Variants in FTO observed in about 807,000 individuals in gnomAD.
FTO encodes alpha-ketoglutarate-dependent dioxygenase FTO.
FTO carries 47 observed loss-of-function variants against 63.9 expected under a neutral mutation model. The ratio of observed to expected loss-of-function variants is 0.74; its 90% CI spans 0.58 to 0.94. The LOEUF is 0.94. FTO is among the 40% of genes least tolerant of loss of function. The pLI, the probability that FTO is intolerant of heterozygous loss-of-function variation, is 0.00. For synonymous variants in FTO, 207 were observed against 224.4 expected, an observed-to-expected ratio of 0.92 and a Z score of 0.69; for missense variants, 562 against 618.1, an observed-to-expected ratio of 0.91 and a Z score of 0.96.
chr16:53,927,704 T>G (rs1381855274), intron 7 of FTO, among the ~76,000 whole-genome samples: 1 of 152,134 alleles, frequency 6.6e-6, no homozygotes, highest in Non-Finnish European at 1.5e-5. Context: ...TGTCGGGCAC[T>G]GGCCCAGGAG....
At chr16:53,837,250 C>T (rs2079324226) in intron 3 of FTO, among the ~76,000 whole-genome samples, 1 of 152,152 alleles carries the variant, frequency 6.6e-6, no homozygotes, top group Admixed American at 6.5e-5. Context: ...ATGAGGTTCT[C>T]CTCTGTAATG....
At position 54,120,499 on chromosome 16, in the gene FTO, A is replaced by G. The variant is rs1447155591; in HGVS notation, c.*8584A>G. The stretch of plus-strand genomic sequence containing the variant: ...TGAGGATAGGAGAGCAGCGTGGTGA[A>G]AGAAGCAATAGTTACCACATTTGCA... On this transcript the variant is annotated 3_prime_UTR_variant, in exon 9 of 9. Coordinates refer to ENST00000471389, the MANE Select transcript of FTO (RefSeq NM_001080432.3). 6.6e-6 allele frequency: 1 copy of G among 152,248 alleles called. No individual in the cohort carries two copies. The highest frequency in any genetic ancestry group is 2.4e-5 in the African/African-American group (1 of 41,450). The allele number at this position is 152,248 out of a possible 1,614,324, so 9.4% of individuals were successfully genotyped here. A position where few individuals can be genotyped will look rare whatever the true frequency, so the allele number is the denominator to read the frequency against.
chr16:54,079,239 G>A (rs1342935994), intron 8 of FTO, among the ~76,000 whole-genome samples: 1 of 152,114 alleles, frequency 6.6e-6, no homozygotes, highest in Non-Finnish European at 1.5e-5. Flanking sequence ...AAGATCTAGT[G>A]AGTTCAGTGC....
chr16:53,742,701 G>A (rs2076554132), intron 1 of FTO, among the ~76,000 whole-genome samples: 1 of 152,174 alleles, frequency 6.6e-6, no homozygotes, highest in Admixed American at 6.5e-5. Context: ...GTATGTACCA[G>A]GCATTTTATT....
intron 4 of FTO, among the ~76,000 whole-genome samples, chr16:53,864,368 C>A (rs2080251514): frequency 6.6e-6 from 1 of 152,062 alleles, no homozygotes; most frequent in Non-Finnish European, 1.5e-5. Context: ...TTAGGGTGAC[C>A]AACTGTCCTT....
intron 8 of FTO, among the ~76,000 whole-genome samples, chr16:54,094,662 G>A (rs181587915): frequency 3.3e-5 from 5 of 152,288 alleles, no homozygotes; most frequent in Admixed American, 1.3e-4. Context: ...CTATTCCAGC[G>A]CAAAGGCGAA....
chr16:54,048,346 G>A (rs1192826763), intron 8 of FTO, among the ~76,000 whole-genome samples: 1 of 151,690 alleles, frequency 6.6e-6, no homozygotes, highest in Non-Finnish European at 1.5e-5. Context: ...GCTGCCATCT[G>A]GGTAGGTCTC....
At chr16:53,820,816 C>A (rs2078844354) in intron 2 of FTO, among the ~76,000 whole-genome samples, 1 of 152,146 alleles carries the variant, frequency 6.6e-6, no homozygotes, top group South Asian at 2.1e-4. Context: ...AAGAAAATGA[C>A]CCAGGGATGG....
intron 1 of FTO, among the ~76,000 whole-genome samples, chr16:53,725,194 C>T (rs768864372): frequency 3.3e-5 from 5 of 152,124 alleles, no homozygotes; most frequent in Non-Finnish European, 7.4e-5. Context: ...TCACGTTATA[C>T]TGTGAGGTTT....
intron 1 of FTO, among the ~76,000 whole-genome samples, chr16:53,728,758 A>G (rs1355721026): frequency 7.1e-6 from 1 of 141,234 alleles, no homozygotes; most frequent in African/African-American, 2.6e-5. Context: ...AAAGGGGACC[A>G]TACTTCTTTT....
chr16:54,097,915 A>G (rs2540774), intron 8 of FTO, among the ~76,000 whole-genome samples: 37,823 of 152,028 alleles, frequency 0.25, 5,781 homozygotes, highest in African/African-American at 0.43. Flanking sequence ...TGAAGGGGTA[A>G]GGGGAGGAAG....
chr16:53,982,990 T>C (rs1482731326), intron 8 of FTO, among the ~76,000 whole-genome samples: 1 of 152,160 alleles, frequency 6.6e-6, no homozygotes, highest in Non-Finnish European at 1.5e-5. Context: ...TTTGTGTTTT[T>C]TGGGATGGCT....
At position 53,955,354 on chromosome 16, in the gene FTO, G is replaced by GT. The variant is rs1456218695; in HGVS notation, c.1364+21246dup. 2.0e-5 allele frequency among the ~76,000 whole-genome samples: 3 copies of GT among 152,222 alleles called. No homozygotes were observed. In the East Asian group the frequency reaches 5.8e-4, roughly 30 times the overall value. On this transcript the variant is annotated intron_variant, in intron 8 of 8. Transcript: ENST00000471389. Reference sequence around the variant, plus strand: ...AGGCTGACTAAAAATAAGCAAGCAAGTAAAAAAGAGGATGTCAGATAATGA... The same window carrying GT: ...AGGCTGACTAAAAATAAGCAAGCAAGTTAAAAAAGAGGATGTCAGATAATGA...
chr16:53,716,981 G>T (rs2075908976), intron 1 of FTO, among the ~76,000 whole-genome samples: 1 of 150,974 alleles, frequency 6.6e-6, no homozygotes, highest in Non-Finnish European at 1.5e-5. Flanking sequence ...AAGATAACTT[G>T]CATATTTTTT....
chr16:54,010,485 A>G (rs1188018921), intron 8 of FTO, among the ~76,000 whole-genome samples: 2 of 152,128 alleles, frequency 1.3e-5, no homozygotes, highest in African/African-American at 4.8e-5. Context: ...ATCTTCAATA[A>G]AATGTATATG....
chr16:53,823,311 T>A (rs1208142453), intron 2 of FTO, among the ~76,000 whole-genome samples: 1 of 152,192 alleles, frequency 6.6e-6, no homozygotes, highest in Non-Finnish European at 1.5e-5. Context: ...TGGTTCTCCT[T>A]TGTTGAGGCT....
chr16:53,823,892 A>C (rs1002956790), intron 2 of FTO, among the ~76,000 whole-genome samples: 12 of 152,118 alleles, frequency 7.9e-5, no homozygotes, highest in African/African-American at 2.9e-4. Context: ...TCTCAAAAAA[A>C]CCCAAAAAAC....
intron 8 of FTO, among the ~76,000 whole-genome samples, chr16:53,989,355 A>G (rs1309355083): frequency 1.3e-5 from 2 of 152,198 alleles, no homozygotes; most frequent in African/African-American, 4.8e-5. Flanking sequence ...TAAAGCAGGA[A>G]ATAAAATGAC....
chr16:53,810,280 A>G (rs2078487012), intron 2 of FTO, 63 bp downstream of exon 2: 16 of 1,192,718 alleles, frequency 1.3e-5, no homozygotes, highest in East Asian at 2.3e-5. Flanking sequence ...TATTTTACCT[A>G]TGAGGAAGCT....
Sources: allele counts gnomAD v4.1 joint callset (sites outside exome capture counted in the v4.1 genomes callset), GRCh38; gene constraint gnomAD v4.1.1; transcripts MANE v1.5; gene names NCBI Gene and HGNC (gene_info 2026-07-23, HGNC 2026-07-21).